ESRRG: variants seen among roughly 807,000 people sequenced by gnomAD.
The protein encoded by ESRRG is estrogen related receptor gamma, also known as estrogen-related receptor gamma.
Under a neutral mutation model 44.0 loss-of-function variants are expected in ESRRG, and 13 were observed. The ratio of observed to expected loss-of-function variants is 0.30; its 90% CI spans 0.19 to 0.47. ESRRG has a LOEUF of 0.47. Ranked by LOEUF, ESRRG falls within the 20% of genes least tolerant of loss-of-function variation. The probability of loss-of-function intolerance (pLI) is 1.00; values close to 1 mark genes in which losing one functional copy is unlikely to be tolerated. For synonymous variants in ESRRG, 215 were observed against 214.6 expected (o/e 1.00, Z -0.02); for missense variants, 395 against 580.6 (o/e 0.68, Z 3.29).
chr1:216,564,934 G>A (rs970252062), intron 4 of ESRRG, among the ~76,000 whole-genome samples: 10 of 152,002 alleles, frequency 6.6e-5, no homozygotes, highest in African/African-American at 2.2e-4. Flanking sequence ...CTCTATCTCC[G>A]TGGGATGCAT....
At chr1:216,648,140 C>G (rs565429131) in intron 3 of ESRRG, among the ~76,000 whole-genome samples, 1 of 152,122 alleles carries the variant, frequency 6.6e-6, no homozygotes, top group Non-Finnish European at 1.5e-5. Context: ...ACATTTCAGA[C>G]AGTATCATTC....
chr1:216,868,196 T>A (rs1228744751), intron 2 of ESRRG, among the ~76,000 whole-genome samples: 1 of 148,578 alleles, frequency 6.7e-6, no homozygotes, highest in Non-Finnish European at 1.5e-5. Flanking sequence ...CAAGCCATTC[T>A]CCTGTCTCAG....
At chr1:216,808,647 C>T (rs1436146482) in intron 2 of ESRRG, among the ~76,000 whole-genome samples, 1 of 152,092 alleles carries the variant, frequency 6.6e-6, no homozygotes, top group East Asian at 1.9e-4. Context: ...TAGTCTTGAA[C>T]TCCTGGGCTC....
In ESRRG at chr1:216,889,447, G is replaced by A. The variant is rs11572533; in HGVS notation, c.-14+50135C>T. Among the ~76,000 whole-genome samples the A allele has an allele frequency of 2.6e-4, 39 of 152,258 alleles. No homozygotes were observed. In the East Asian group the frequency reaches 7.5e-3, roughly 29 times the overall value. On this transcript the variant is annotated intron_variant, in intron 2 of 7. Transcript: ENST00000359162. ...ATGGACACCCACTTCTGACCTTGCT[G>A]GGCTATCAGGACAAGGAGCATAGAA...
chr1:216,871,606 A>G (rs1053970360), intron 2 of ESRRG, among the ~76,000 whole-genome samples: 1 of 151,894 alleles, frequency 6.6e-6, no homozygotes, highest in African/African-American at 2.4e-5. Flanking sequence ...AGATTTGCCT[A>G]TTTCTACTCT....
intron 6 of ESRRG, among the ~76,000 whole-genome samples, chr1:216,508,784 C>T (rs184490609): frequency 1.2e-3 from 190 of 152,224 alleles, no homozygotes; most frequent in Non-Finnish European, 2.2e-3. Flanking sequence ...CACTTAAATG[C>T]TACCTGAAGG....
At chr1:216,767,775 A>G (rs1199665921) in intron 2 of ESRRG, among the ~76,000 whole-genome samples, 2 of 152,116 alleles carry the variant, frequency 1.3e-5, no homozygotes, top group Non-Finnish European at 2.9e-5. Flanking sequence ...TTAAGTATGC[A>G]TTTGCTCCCA....
chr1:216,959,140 A>C (rs962410033), intron 1 of ESRRG, among the ~76,000 whole-genome samples: 1 of 151,816 alleles, frequency 6.6e-6, no homozygotes, highest in African/African-American at 2.4e-5. Flanking sequence ...TCATTCTACC[A>C]AAATATAAGC....
At chr1:216,777,466 T>G (rs1177042711) in intron 2 of ESRRG, among the ~76,000 whole-genome samples, 1 of 152,128 alleles carries the variant, frequency 6.6e-6, no homozygotes, top group Non-Finnish European at 1.5e-5. Flanking sequence ...TTTATTCCAC[T>G]CATTTTGTTG....
At chr1:217,073,817 AG>A (rs1163732584) in intron 1 of ESRRG, among the ~76,000 whole-genome samples, 5 of 152,054 alleles carry the variant, frequency 3.3e-5, no homozygotes, top group Admixed American at 6.6e-5. Context: ...AAAAGGGGAG[AG>A]AAGAGAAGAA....
chr1:216,663,341 A>G (rs1019693267), intron 2 of ESRRG, among the ~76,000 whole-genome samples: 2 of 152,172 alleles, frequency 1.3e-5, no homozygotes, highest in African/African-American at 4.8e-5. Context: ...ATCGTCCTCA[A>G]ATGGAAACTG....
Position 216,702,094 on chromosome 1 carries a change from C to T in ESRRG, c.56+21150G>A, listed in dbSNP as rs566741135. The stretch of plus-strand genomic sequence containing the variant: ...AGAATTCTTAAAAGCAAGTAGTTAT[C>T]GCTAATTAATTTTCTTCTGGGTATC... On this transcript the variant is annotated intron_variant, in intron 1 of 6. Transcript: ENST00000408911. Among the ~76,000 whole-genome samples the T allele has an allele frequency of 2.4e-3, 358 of 152,250 alleles. 2 individuals are homozygous for T. The highest frequency in any genetic ancestry group is 8.3e-3 in the African/African-American group (346 of 41,562).
intron 1 of ESRRG, among the ~76,000 whole-genome samples, chr1:217,026,912 CAGAGAG>C (rs71163786): frequency 0.017 from 1,600 of 93,418 alleles, 18 homozygotes; most frequent in Middle Eastern, 0.027. Context: ...CACACACACA[CAGAGAG>C]AGAGAGAGAG....
chr1:216,751,299 T>C (rs899536063), intron 2 of ESRRG, among the ~76,000 whole-genome samples: 1 of 152,124 alleles, frequency 6.6e-6, no homozygotes, highest in Non-Finnish European at 1.5e-5. Flanking sequence ...TCATGAACAA[T>C]AGAAATGCTA....
At chr1:216,603,340 T>C (rs1259339019) in intron 3 of ESRRG, among the ~76,000 whole-genome samples, 1 of 152,224 alleles carries the variant, frequency 6.6e-6, no homozygotes, top group Non-Finnish European at 1.5e-5. Context: ...TGATACAATC[T>C]GTGAACTGAC....
At chr1:216,516,568 T>C (rs1054628991) in intron 6 of ESRRG, among the ~76,000 whole-genome samples, 2 of 150,574 alleles carry the variant, frequency 1.3e-5, no homozygotes, top group Admixed American at 1.3e-4. Context: ...TAAATTACAC[T>C]GAAATAGATT....
chr1:216,550,250 A>C (rs1270902352), intron 5 of ESRRG, among the ~76,000 whole-genome samples: 1 of 152,138 alleles, frequency 6.6e-6, no homozygotes, highest in Non-Finnish European at 1.5e-5. Context: ...AAAATACTAA[A>C]AATTGACTGT....
At chr1:216,978,653 T>TTC (rs2073397386) in intron 1 of ESRRG, among the ~76,000 whole-genome samples, 1 of 152,162 alleles carries the variant, frequency 6.6e-6, no homozygotes, top group African/African-American at 2.4e-5. Flanking sequence ...TGTGCAGTGC[T>TTC]TCTGAATGTC....
intron 2 of ESRRG, among the ~76,000 whole-genome samples, chr1:216,852,830 A>G (rs2095862353): frequency 6.6e-6 from 1 of 150,582 alleles, no homozygotes; most frequent in African/African-American, 2.5e-5. Flanking sequence ...TCTTCCCACC[A>G]GGGCTCTTTC....
Sources: gnomAD v4.1 joint callset for allele counts (sites outside exome capture counted in the v4.1 genomes callset) on GRCh38, gnomAD v4.1.1 for gene constraint, MANE v1.5 for transcripts, NCBI Gene and HGNC (gene_info 2026-07-23, HGNC 2026-07-21) for gene names.